Variants in SRSF11 observed in about 807,000 individuals in gnomAD.
SRSF11 encodes the protein serine/arginine-rich splicing factor 11.
SRSF11 carries 9 observed loss-of-function variants against 56.0 expected under a neutral mutation model. The observed-to-expected ratio is 0.16, with a 90% CI of 0.10 to 0.28. SRSF11 has a LOEUF of 0.28. Among genes scored for constraint, SRSF11 ranks in the 10% least tolerant of loss-of-function variants. SRSF11 has a pLI of 1.00. For missense variants in SRSF11, 421 were observed against 600.7 expected, an observed-to-expected ratio of 0.70 and a Z score of 3.13; for synonymous variants, 222 against 215.3, an observed-to-expected ratio of 1.03 and a Z score of -0.27.
At position 70,234,799 on chromosome 1, in the gene SRSF11, G is replaced by A. The variant is rs918850189; in HGVS notation, c.540+11G>A. 3.8e-6 allele frequency: 6 copies of A among 1,574,698 alleles called. No homozygotes were observed. The highest frequency in any genetic ancestry group is 3.8e-5 in the Admixed American group (2 of 52,906). On this transcript the variant is annotated intron_variant, in intron 4 of 11. Coordinates refer to ENST00000370949, the MANE Select transcript of SRSF11 (RefSeq NM_001350605.2). ...AACTTGAACTCTCAGGTATACCTTA[G>A]TAACTTCAAATTTTTCACCCATTTT...
At chr1:70,242,128 C>G (rs1256904006) in intron 7 of SRSF11, among the ~76,000 whole-genome samples, 2 of 149,712 alleles carry the variant, frequency 1.3e-5, no homozygotes, top group Admixed American at 1.3e-4. Context: ...AGGATGGCGC[C>G]ACTGCACTCC....
At chr1:70,221,900 A>T (rs1340447524) in intron 1 of SRSF11, 61 bp downstream of exon 1, 1 of 1,598,832 alleles carries the variant, frequency 6.3e-7, no homozygotes, top group Admixed American at 1.7e-5. Flanking sequence ...CCTAACACAC[A>T]CAATTTCCTT....
intron 8 of SRSF11, 103 bp downstream of exon 8, chr1:70,244,918 G>A (rs2100968948): frequency 9.4e-7 from 1 of 1,058,588 alleles, no homozygotes; most frequent in Non-Finnish European, 1.3e-6. Context: ...CAGAGAAATA[G>A]GGCTAGACAG....
chr1:70,208,973 G>A (rs1571542071), intron 1 of SRSF11, among the ~76,000 whole-genome samples: 1 of 152,168 alleles, frequency 6.6e-6, no homozygotes, highest in African/African-American at 2.4e-5. Flanking sequence ...CAAGGCTGGA[G>A]ACTACTGCAT....
rs372180100 is a variant in SRSF11, at chr1:70,234,746, C to G, written c.498C>G (p.Ala166=). The G allele has an allele frequency of 2.4e-5, 38 of 1,610,650 alleles. No individual in the cohort carries two copies. The highest frequency in any genetic ancestry group is 1.2e-4 in the African/African-American group (9 of 74,908). ...TGGGGGCTCCTACTCTTGATCCTGC[C>G]CTTGCTGCACTTGGGCTTCCTGGAG... ...AALGAPTLDP[A]LAALGLPGAN... The change falls in exon 4 of 12, where the codon GCC becomes GCG. Residue 166 remains alanine, a synonymous_variant. Coordinates refer to ENST00000370949, the MANE Select transcript of SRSF11 (RefSeq NM_001350605.2).
At chr1:70,226,423 G>A (rs1489720844) in intron 1 of SRSF11, among the ~76,000 whole-genome samples, 2 of 151,612 alleles carry the variant, frequency 1.3e-5, no homozygotes. Flanking sequence ...TTAATGAGTA[G>A]GAAAAAAAAT....
At chr1:70,238,460 A>G (rs1164809142) in intron 6 of SRSF11, among the ~76,000 whole-genome samples, 1 of 152,200 alleles carries the variant, frequency 6.6e-6, no homozygotes, top group Non-Finnish European at 1.5e-5. Flanking sequence ...TGTAAAAGAA[A>G]CTCAATCTCA....
chr1:70,243,365 A>C (rs1028441900), intron 7 of SRSF11, among the ~76,000 whole-genome samples: 4 of 141,534 alleles, frequency 2.8e-5, no homozygotes, highest in East Asian at 2.0e-4. Context: ...AAAAAAAAAA[A>C]AAAAAAAACA....
intron 1 of SRSF11, among the ~76,000 whole-genome samples, chr1:70,206,942 A>G (rs958304893): frequency 6.8e-6 from 1 of 148,036 alleles, no homozygotes; most frequent in African/African-American, 2.5e-5. Flanking sequence ...CTAGGCTGGA[A>G]TGCAGTGGCG....
intron 1 of SRSF11, among the ~76,000 whole-genome samples, chr1:70,206,219 G>A (rs1003920718): frequency 4.6e-5 from 7 of 152,262 alleles, no homozygotes; most frequent in East Asian, 1.9e-4. Flanking sequence ...GACAAGTAGT[G>A]GTACATGCTT....
At position 70,232,279 on chromosome 1, in the gene SRSF11, G is replaced by C; in HGVS notation, c.349G>C (p.Asp117His). 6.2e-7 allele frequency: 1 copy of C among 1,614,188 alleles called. No homozygotes were observed. The change falls in exon 3 of 12, where the codon GAT (aspartate) becomes CAT (histidine). Residue 117 changes from aspartate (D) to histidine (H), a missense_variant. By Grantham distance (81) the Asp-to-His change is moderately conservative. Transcript: ENST00000370949. The part of the protein sequence containing the change: ...VVPYAEGVIP[D>H]EAKALSLLAP... ...ATGTTTCTCTGCAGGAGTTATTCCT[G>C]ATGAAGCTAAAGCTTTGTCTCTGTT...
chr1:70,251,897 C>G lies in SRSF11; in HGVS notation c.*1092C>G, dbSNP rs1678011265. The G allele has an allele frequency of 6.6e-6, 1 of 152,586 alleles. No individual in the cohort carries two copies. Among genetic ancestry groups the G allele is most frequent in the African/African-American group, 2.4e-5 (1 of 41,460 alleles). 9.5% of individuals were successfully genotyped at this position (152,586 alleles called of 1,614,324 possible). On this transcript the variant is annotated 3_prime_UTR_variant, in exon 12 of 12. Coordinates refer to ENST00000370949, the MANE Select transcript of SRSF11 (RefSeq NM_001350605.2). Reference sequence around the variant, plus strand: ...TCTTAGTTACAGAAGTTTCAAGCTTCACTTTTGTGCAGTAGAAACAAAAGT... The same window carrying G: ...TCTTAGTTACAGAAGTTTCAAGCTTGACTTTTGTGCAGTAGAAACAAAAGT...
chr1:70,250,301 A>G (rs1677707761), intron 10 of SRSF11, 64 bp from the exon 11 acceptor site: 2 of 1,585,214 alleles, frequency 1.3e-6, no homozygotes, highest in African/African-American at 2.7e-5. Context: ...ATCCTGTGAA[A>G]TTGAGTCAGG....
chr1:70,229,175 C>A lies in SRSF11; in HGVS notation c.337+620C>A, dbSNP rs1281550925. On this transcript the variant is annotated intron_variant, in intron 2 of 11. Coordinates refer to ENST00000370949, the MANE Select transcript of SRSF11 (RefSeq NM_001350605.2). ...CTAGAATATCTCTAAATAATAAATT[C>A]TTCTCTCTGTTATTTGTGTGTGTGA... 6 of 1,281,938 alleles carry A rather than the reference C, an allele frequency of 4.7e-6. No individual in the cohort carries two copies. In the Admixed American group the frequency reaches 9.6e-5, roughly 20 times the overall value. 79.4% of individuals were successfully genotyped at this position (1,281,938 alleles called of 1,614,324 possible). A position where few individuals can be genotyped will look rare whatever the true frequency, so the allele number is the denominator to read the frequency against.
At position 70,221,382 on chromosome 1, in the gene SRSF11, T is replaced by C. The variant is rs1192506040; in HGVS notation, c.-255T>C. 4 of 499,448 alleles carry C rather than the reference T, an allele frequency of 8.0e-6. No individual in the cohort carries two copies. The highest frequency in any genetic ancestry group is 1.4e-5 in the Non-Finnish European group (4 of 284,752). 30.9% of individuals were successfully genotyped at this position (499,448 alleles called of 1,614,324 possible). A position where few individuals can be genotyped will look rare whatever the true frequency, so the allele number is the denominator to read the frequency against. ...CATTGTGGGAGCTCGGGCCCGCTAGTGTCGTGGTTGGAGGCGAGGTGGGGC... is the reference window on the plus strand; with the variant it reads ...CATTGTGGGAGCTCGGGCCCGCTAGCGTCGTGGTTGGAGGCGAGGTGGGGC... On this transcript the variant is annotated 5_prime_UTR_variant, in exon 1 of 12. Transcript: ENST00000370949.
At chr1:70,230,784 A>C in intron 2 of SRSF11, 1 of 1,174,570 alleles carries the variant, frequency 8.5e-7, no homozygotes, top group East Asian at 6.1e-5. Context: ...AAATGTTGCA[A>C]ATGCACTAAT....
At chr1:70,221,941 C>G (rs963640625) in intron 1 of SRSF11, 102 bp downstream of exon 1, 2 of 1,506,356 alleles carry the variant, frequency 1.3e-6, no homozygotes, top group Non-Finnish European at 1.8e-6. Flanking sequence ...CCGGGCCAGG[C>G]TGCTTGAGTG....
intron 7 of SRSF11, among the ~76,000 whole-genome samples, chr1:70,240,258 ATTAACT>A (rs1369079955): frequency 2.0e-5 from 3 of 152,224 alleles, no homozygotes; most frequent in Non-Finnish European, 2.9e-5. Flanking sequence ...ATTTAATAAA[ATTAACT>A]TTACTGCTTC....
chr1:70,233,797 C>T (rs1445699768), intron 3 of SRSF11, among the ~76,000 whole-genome samples: 4 of 152,154 alleles, frequency 2.6e-5, no homozygotes, highest in Admixed American at 2.0e-4. Context: ...GTGTCTATTA[C>T]ATTATGGATT....
Sources: gnomAD v4.1 joint callset for allele counts (sites outside exome capture counted in the v4.1 genomes callset) on GRCh38, gnomAD v4.1.1 for gene constraint, MANE v1.5 for transcripts, NCBI Gene and HGNC (gene_info 2026-07-23, HGNC 2026-07-21) for gene names.